ASAP1: variants seen among roughly 807,000 people sequenced by gnomAD.
ASAP1 encodes arf-GAP with SH3 domain, ANK repeat and PH domain-containing protein 1.
In ASAP1, 43 loss-of-function variants were observed where a neutral mutation model predicts 145.2. That is an observed-to-expected ratio of 0.30 (90% confidence interval 0.23 to 0.38). ASAP1 has a LOEUF of 0.38. Among genes scored for constraint, ASAP1 ranks in the 10% least tolerant of loss-of-function variants. ASAP1 has a pLI of 1.00. For synonymous variants in ASAP1, 546 were observed against 515.5 expected, an observed-to-expected ratio of 1.06 and a Z score of -0.80; for missense variants, 1,018 against 1,355.3, an observed-to-expected ratio of 0.75 and a Z score of 3.91.
rs1470935725 is a variant in ASAP1, at chr8:130,126,048, T to A, written c.1423A>T (p.Ile475Leu). The change falls in exon 17 of 30, where the codon ATA becomes TTA. Residue 475 changes from isoleucine (I) to leucine (L), a missense_variant. This residue lies in a region of ASAP1 where 153 missense variants were observed against 221.6 expected (regional missense o/e 0.69). Coordinates refer to ENST00000518721, the MANE Select transcript of ASAP1 (RefSeq NM_018482.4). ...TCCCTATGGATGCCAGAACATTCTA[T>A]ACAGGTCAAAATACCCAAGTTGGTT... ...LSTNLGILTCIECSGIHREMG... is the reference protein window; with the variant it reads ...LSTNLGILTCLECSGIHREMG... 1 of 1,613,780 alleles carries A rather than the reference T, an allele frequency of 6.2e-7. No individual in the cohort carries two copies. Among genetic ancestry groups the A allele is most frequent in the East Asian group, 2.2e-5 (1 of 44,866 alleles).
intron 3 of ASAP1, among the ~76,000 whole-genome samples, chr8:130,300,077 T>C (rs1186177950): frequency 1.4e-5 from 2 of 137,972 alleles, no homozygotes; most frequent in African/African-American, 2.7e-5. Flanking sequence ...TATTAACACA[T>C]ACAGTTTCTT....
chr8:130,340,966 G>A (rs1378470114), intron 3 of ASAP1: 1 of 443,204 alleles, frequency 2.3e-6, no homozygotes, highest in Admixed American at 2.6e-5. Context: ...TTTTGTTTTT[G>A]TTTTTGTTTT....
intron 15 of ASAP1, among the ~76,000 whole-genome samples, chr8:130,129,841 G>C (rs1440528729): frequency 6.6e-6 from 1 of 152,072 alleles, no homozygotes; most frequent in African/African-American, 2.4e-5. Flanking sequence ...AAAACCAAGA[G>C]TCTAGGAATT....
chr8:130,226,043 CTT>C (rs200033813), intron 4 of ASAP1, among the ~76,000 whole-genome samples: 127 of 139,942 alleles, frequency 9.1e-4, no homozygotes, highest in East Asian at 1.3e-3. Context: ...CCATGCTTGG[CTT>C]TTTTTTTTTT....
intron 3 of ASAP1, among the ~76,000 whole-genome samples, chr8:130,348,464 T>C (rs1157475006): frequency 6.6e-6 from 1 of 152,152 alleles, no homozygotes; most frequent in Non-Finnish European, 1.5e-5. Flanking sequence ...TAGCTTGGCA[T>C]TAAAATTCAG....
At chr8:130,376,850 A>G (rs1485245576) in intron 2 of ASAP1, among the ~76,000 whole-genome samples, 5 of 140,136 alleles carry the variant, frequency 3.6e-5, no homozygotes, top group Non-Finnish European at 1.5e-5. Flanking sequence ...TTGCGGTGAG[A>G]TGAGATCGCA....
At chr8:130,287,422 T>C (rs537939732) in intron 3 of ASAP1, among the ~76,000 whole-genome samples, 6 of 152,284 alleles carry the variant, frequency 3.9e-5, no homozygotes, top group South Asian at 2.1e-4. Flanking sequence ...TTTATGAATA[T>C]TGTCTTTGTT....
intron 3 of ASAP1, among the ~76,000 whole-genome samples, chr8:130,333,064 G>A (rs973712405): frequency 5.3e-5 from 8 of 152,214 alleles, no homozygotes; most frequent in South Asian, 2.1e-4. Flanking sequence ...GTTTGGAGGC[G>A]AAACCGTGTC....
intron 25 of ASAP1, among the ~76,000 whole-genome samples, chr8:130,090,373 T>C (rs2097502998): frequency 6.6e-6 from 1 of 152,198 alleles, no homozygotes; most frequent in Non-Finnish European, 1.5e-5. Context: ...TGGAATGTTA[T>C]TTGGGGGAAA....
Position 130,124,027 on chromosome 8 carries a change from G to A in ASAP1, c.1593C>T (p.Thr531=), listed in dbSNP as rs1345275351. The A allele has an allele frequency of 1.9e-6, 3 of 1,607,594 alleles. No homozygotes were observed. Among genetic ancestry groups the A allele is most frequent in the East Asian group, 2.2e-5 (1 of 44,806 alleles). The part of the protein sequence containing the change: ...ANLPSPSPKP[T]PSSDMTVRKE... ...GAAATACTTACATATCACTTGAAGG[G>A]GTGGGTTTTGGTGAGGGGCTGGGTA... Residue 531 remains threonine (T), a synonymous_variant, in exon 18 of 30, where the codon ACC becomes ACT. Coordinates refer to ENST00000518721, the MANE Select transcript of ASAP1 (RefSeq NM_018482.4).
chr8:130,280,510 A>G (rs181947605), intron 3 of ASAP1, among the ~76,000 whole-genome samples: 1 of 152,238 alleles, frequency 6.6e-6, no homozygotes, highest in Admixed American at 6.5e-5. Context: ...CCATGTCAGC[A>G]TTTTCAGAAT....
intron 4 of ASAP1, among the ~76,000 whole-genome samples, chr8:130,220,888 A>G (rs756383126): frequency 5.3e-5 from 8 of 152,142 alleles, no homozygotes; most frequent in Non-Finnish European, 8.8e-5. Flanking sequence ...AACTCCCCAC[A>G]AAACCATCAG....
intron 1 of ASAP1, among the ~76,000 whole-genome samples, chr8:130,419,409 A>C (rs1296601853): frequency 1.3e-5 from 2 of 152,208 alleles, no homozygotes; most frequent in Non-Finnish European, 2.9e-5. Context: ...TCTTTTGTCC[A>C]GAAGTTTCTG....
intron 2 of ASAP1, among the ~76,000 whole-genome samples, chr8:130,395,689 CAG>C (rs2138520408): frequency 6.6e-6 from 1 of 150,522 alleles, no homozygotes; most frequent in East Asian, 2.0e-4. Flanking sequence ...TTTTTTGAGA[CAG>C]AGTCTCACTC....
intron 27 of ASAP1, among the ~76,000 whole-genome samples, chr8:130,076,144 G>A (rs1480335694): frequency 3.3e-5 from 5 of 152,186 alleles, no homozygotes; most frequent in Non-Finnish European, 7.4e-5. Flanking sequence ...TTCTGGAAAA[G>A]TATGGTGCTT....
At chr8:130,066,521 TTTTC>T (rs1183151807) in intron 27 of ASAP1, among the ~76,000 whole-genome samples, 1 of 152,158 alleles carries the variant, frequency 6.6e-6, no homozygotes, top group Non-Finnish European at 1.5e-5. Flanking sequence ...TATTTCTTTC[TTTTC>T]TTTCTTCCTT....
At chr8:130,210,408 T>C (rs1053997971) in intron 5 of ASAP1, among the ~76,000 whole-genome samples, 1 of 152,192 alleles carries the variant, frequency 6.6e-6, no homozygotes, top group Non-Finnish European at 1.5e-5. Flanking sequence ...TAAATATGAA[T>C]AGAAGTAGTC....
At chr8:130,091,779 T>C (rs1327392975) in intron 25 of ASAP1, among the ~76,000 whole-genome samples, 194 bp downstream of exon 25, 1 of 152,224 alleles carries the variant, frequency 6.6e-6, no homozygotes, top group Non-Finnish European at 1.5e-5. Context: ...TAGTTTTTAA[T>C]GGCCTAAATA....
intron 9 of ASAP1, among the ~76,000 whole-genome samples, chr8:130,178,431 T>C (rs1344513118): frequency 6.6e-6 from 1 of 152,028 alleles, no homozygotes; most frequent in Non-Finnish European, 1.5e-5. Flanking sequence ...ATCACAAACA[T>C]AACAAAAAGA....
Sources: allele counts gnomAD v4.1 joint callset (sites outside exome capture counted in the v4.1 genomes callset), GRCh38; gene constraint gnomAD v4.1.1; regional missense constraint gnomAD v4.1.1; transcripts MANE v1.5; gene names NCBI Gene and HGNC (gene_info 2026-07-23, HGNC 2026-07-21).